The following HLA-DQB2 variants were observed in gnomAD, a reference collection of about 807,000 sequenced individuals.
HLA-DQB2 encodes the protein HLA class II histocompatibility antigen, DQ beta 2 chain.
A neutral mutation model predicts 29.2 loss-of-function variants in HLA-DQB2; 24 were observed. That is an observed-to-expected ratio of 0.82 (90% CI 0.60 to 1.16). The LOEUF is 1.16. Among genes scored for constraint, HLA-DQB2 ranks in the 50% most tolerant of loss-of-function variants. The pLI is 0.00. For missense variants in HLA-DQB2, 273 were observed against 343.6 expected (o/e 0.79, Z 1.62); for synonymous variants, 104 against 133.1 (o/e 0.78, Z 1.51).
intron 5 of HLA-DQB2, 47 bp from the exon 6 acceptor site, chr6:32,756,513 A>G: frequency 6.4e-7 from 1 of 1,559,706 alleles, no homozygotes. Flanking sequence ...ACCCTGAGGG[A>G]CACACCCTCT....
At position 32,757,218 on chromosome 6, in the gene HLA-DQB2, C is replaced by T. The variant is rs1286168595; in HGVS notation, c.781+63G>A. On this transcript the variant is annotated intron_variant, in intron 5 of 5. Transcript: ENST00000437316. ...TATTTTTAGTAGAGATGCGGTTTCA[C>T]CATGGCTCTTCCCTCTTATGCCTGT... The T allele has an allele frequency of 5.2e-6, 8 of 1,549,398 alleles. No individual in the cohort carries two copies. In the Admixed American group the frequency reaches 9.8e-5, roughly 19 times the overall value.
intron 5 of HLA-DQB2, 129 bp from the exon 6 acceptor site, chr6:32,756,595 T>A: frequency 6.9e-7 from 1 of 1,456,648 alleles, no homozygotes; most frequent in Non-Finnish European, 9.1e-7. Context: ...ATCATCACGT[T>A]CCCCAATATC....
intron 5 of HLA-DQB2, 93 bp from the exon 6 acceptor site, chr6:32,756,559 G>T (rs756719030): frequency 8.5e-6 from 13 of 1,528,454 alleles, no homozygotes; most frequent in Non-Finnish European, 1.1e-5. Flanking sequence ...GCATCAAACA[G>T]AGGATGCTGA....
Position 32,761,778 on chromosome 6 carries a change from C to T in HLA-DQB2, c.246G>A (p.Gly82=). The change falls in exon 2 of 6, where the codon GGG becomes GGA. Residue 82 remains glycine (G), a synonymous_variant. Transcript: ENST00000437316. ...AGTTGTTCCAGTCCTCGATGCTCCG[C>T]CCCAGCTCGGTCACCGCCTGGAACT... ...VGEFQAVTEL[G]RSIEDWNNYK... 6.3e-7 allele frequency: 1 copy of T among 1,582,278 alleles called. No homozygotes were observed. Among genetic ancestry groups the T allele is most frequent in the Non-Finnish European group, 8.6e-7 (1 of 1,164,402 alleles).
chr6:32,761,152 A>G (rs1764754447), intron 2 of HLA-DQB2, among the ~76,000 whole-genome samples: 1 of 152,284 alleles, frequency 6.6e-6, no homozygotes, highest in Non-Finnish European at 1.5e-5. Flanking sequence ...TTATTTCACA[A>G]CTGTAATTGC....
chr6:32,756,721 G>T (rs1024415365), intron 5 of HLA-DQB2: 1 of 1,314,806 alleles, frequency 7.6e-7, no homozygotes, highest in Non-Finnish European at 9.6e-7. Flanking sequence ...GATTTTTTTA[G>T]TAAATTGGGT....
chr6:32,762,104 C>A (rs1021574459), intron 1 of HLA-DQB2, among the ~76,000 whole-genome samples, 178 bp from the exon 2 acceptor site: 6 of 152,002 alleles, frequency 3.9e-5, no homozygotes, highest in African/African-American at 1.4e-4. Context: ...ATCCTCGAGG[C>A]ATCTCTGCCC....
chr6:32,763,403 G>T lies in HLA-DQB2; in HGVS notation c.68C>A (p.Thr23Asn), dbSNP rs770672954. 6.4e-7 allele frequency: 1 copy of T among 1,564,670 alleles called. No individual in the cohort carries two copies. Among genetic ancestry groups the T allele is most frequent in the Non-Finnish European group, 8.7e-7 (1 of 1,153,952 alleles). Reference sequence around the variant, plus strand: ...AAAGTCTCTGGCCTCAGCCACTGGGGTGCTCAGCATCACCAGCATCACGGT... The same window carrying T: ...AAAGTCTCTGGCCTCAGCCACTGGGTTGCTCAGCATCACCAGCATCACGGT... The part of the protein sequence containing the change: ...AVTVMLVMLS[T>N]PVAEARDFPK... Residue 23 changes from threonine to asparagine, a missense_variant, in exon 1 of 6, where the codon ACC becomes AAC. Physicochemically the swap from Thr to Asn is moderately conservative, Grantham distance 65. Coordinates refer to ENST00000437316, the MANE Select transcript of HLA-DQB2 (RefSeq NM_001300790.2).
At chr6:32,757,368 G>T in intron 4 of HLA-DQB2, 64 bp from the exon 5 acceptor site, 1 of 1,197,258 alleles carries the variant, frequency 8.4e-7, no homozygotes, top group Non-Finnish European at 1.2e-6. Context: ...TTACCCCAAA[G>T]GAAAATGACA....
Position 32,763,362 on chromosome 6 carries a change from C to A in HLA-DQB2, c.97+12G>T. 6.6e-7 allele frequency: 1 copy of A among 1,516,290 alleles called. No homozygotes were observed. Among genetic ancestry groups the A allele is most frequent in the East Asian group, 2.4e-5 (1 of 41,382 alleles). 93.9% of individuals were successfully genotyped at this position (1,516,290 alleles called of 1,614,324 possible). Reference sequence around the variant, plus strand: ...CAGTGGTGGCTCTCGAGAGCAGCTGCCCTGCACTTACTGGGAAAGTCTCTG... The same window carrying A: ...CAGTGGTGGCTCTCGAGAGCAGCTGACCTGCACTTACTGGGAAAGTCTCTG... On this transcript the variant is annotated intron_variant, in intron 1 of 5. Coordinates refer to ENST00000437316, the MANE Select transcript of HLA-DQB2 (RefSeq NM_001300790.2).
intron 2 of HLA-DQB2, 79 bp downstream of exon 2, chr6:32,761,581 C>CG: frequency 7.0e-7 from 1 of 1,431,632 alleles, no homozygotes; most frequent in Non-Finnish European, 9.2e-7. Context: ...CTTGAGGCCG[C>CG]GCCGTCCTCG....
chr6:32,761,962 CA>C, intron 1 of HLA-DQB2, 36 bp from the exon 2 acceptor site: 1 of 1,574,384 alleles, frequency 6.4e-7, no homozygotes, highest in Non-Finnish European at 8.6e-7. Flanking sequence ...CAGGCCCCAG[CA>C]CGGCCCTAGC....
intron 5 of HLA-DQB2, 42 bp downstream of exon 5, chr6:32,757,239 C>A: frequency 6.5e-7 from 1 of 1,550,080 alleles, no homozygotes; most frequent in South Asian, 1.2e-5. Flanking sequence ...CCCTCTTATG[C>A]CTGTGCCCTC....
rs759329639 is a variant in HLA-DQB2, at chr6:32,758,994, C to T, written c.502G>A (p.Gly168Ser). 4.3e-6 allele frequency: 7 copies of T among 1,614,120 alleles called. No individual in the cohort carries two copies. Among genetic ancestry groups the T allele is most frequent in the Non-Finnish European group, 2.5e-6 (3 of 1,180,056 alleles). ...WFRNDQEETA[G>S]VVSTSLIRNG... is the part of the protein sequence containing the mutation. ...CTAATGAGGGAGGTGGACACAACAC[C>T]GGCTGTCTCCTCCTGGTCATTCCGA... Residue 168 changes from glycine to serine, a missense_variant, in exon 3 of 6, where the codon GGT becomes AGT. By Grantham distance (56) the Gly-to-Ser change is moderately conservative. Coordinates refer to ENST00000437316, the MANE Select transcript of HLA-DQB2 (RefSeq NM_001300790.2).
rs113687021 is a variant in HLA-DQB2, at chr6:32,757,895, A to AG, written c.647-13_647-12insC. On this transcript the variant is annotated splice_polypyrimidine_tract_variant and intron_variant, in intron 3 of 5. Coordinates refer to ENST00000437316, the MANE Select transcript of HLA-DQB2 (RefSeq NM_001300790.2). ...TTCAGACTGAGCCCCTAAGGAGCAG[A>AG]ACTGAGTGTGAGTGTTTGTCCCCAC... 0.66 allele frequency: 984,939 copies of AG among 1,498,478 alleles called. 281,469 individuals are homozygous for AG. The highest frequency in any genetic ancestry group is 0.82 in the East Asian group (35,939 of 43,814). The allele number at this position is 1,498,478 out of a possible 1,614,324, so 92.8% of individuals were successfully genotyped here.
Position 32,761,882 on chromosome 6 carries a change from C to A in HLA-DQB2, c.142G>T (p.Gly48Trp). The change falls in exon 2 of 6, where the codon GGG (glycine) becomes TGG (tryptophan). Residue 48 changes from glycine to tryptophan, a missense_variant. By Grantham distance (184) the Gly-to-Trp change is radical (BLOSUM62 -2). Coordinates refer to ENST00000437316, the MANE Select transcript of HLA-DQB2 (RefSeq NM_001300790.2). ...QFKGMCYFTN[G>W]TERVRGVARY... ...GCCACACCGCGCACGCGCTCTGTCC[C>A]GTTGGTGAAGTAGCACATGCCCTTA... The A allele has an allele frequency of 6.2e-7, 1 of 1,612,500 alleles. No homozygotes were observed. The highest frequency in any genetic ancestry group is 8.5e-7 in the Non-Finnish European group (1 of 1,179,416).
At chr6:32,756,628 A>T in intron 5 of HLA-DQB2, 162 bp from the exon 6 acceptor site, 1 of 1,388,312 alleles carries the variant, frequency 7.2e-7, no homozygotes, top group Admixed American at 3.3e-5. Context: ...AAATCAGCTC[A>T]TGAGGACACA....
intron 5 of HLA-DQB2, 120 bp downstream of exon 5, chr6:32,757,161 A>T (rs1051729646): frequency 1.5e-5 from 22 of 1,500,980 alleles, no homozygotes; most frequent in Non-Finnish European, 2.0e-5. Flanking sequence ...CCGGGATTAC[A>T]GATGCACACC....
Position 32,761,766 on chromosome 6 carries a change from C to T in HLA-DQB2, c.258G>A (p.Glu86=), listed in dbSNP as rs1231812713. 1.3e-6 allele frequency: 2 copies of T among 1,569,222 alleles called. No homozygotes were observed. Among genetic ancestry groups the T allele is most frequent in the East Asian group, 2.4e-5 (1 of 42,064 alleles). ...QAVTELGRSI[E]DWNNYKDFLE... ...AGAAGTCCTTATAGTTGTTCCAGTC[C>T]TCGATGCTCCGCCCCAGCTCGGTCA... is the stretch of plus-strand genomic sequence containing the variant. The change falls in exon 2 of 6, where the codon GAG becomes GAA. Residue 86 remains glutamate, a synonymous_variant. Coordinates refer to ENST00000437316, the MANE Select transcript of HLA-DQB2 (RefSeq NM_001300790.2).
Sources: allele counts gnomAD v4.1 joint callset (sites outside exome capture counted in the v4.1 genomes callset), GRCh38; gene constraint gnomAD v4.1.1; transcripts MANE v1.5; gene names NCBI Gene and HGNC (gene_info 2026-07-23, HGNC 2026-07-21).